Variants in OXSR1 observed in about 807,000 individuals in gnomAD.
OXSR1 encodes the protein serine/threonine-protein kinase OSR1.
OXSR1 carries 24 observed loss-of-function variants against 79.8 expected under a neutral mutation model. That is an observed-to-expected ratio of 0.30 (90% CI 0.22 to 0.42). The LOEUF (loss-of-function observed/expected upper bound fraction) is 0.42, where lower values mean the gene tolerates loss of function less well. OXSR1 is among the 10% of genes least tolerant of loss of function. The pLI is 1.00. For synonymous variants in OXSR1, 226 were observed against 209.2 expected (o/e 1.08, Z -0.69); for missense variants, 430 against 618.4 (o/e 0.70, Z 3.23).
chr3:38,199,772 G>T (rs1464305020), intron 4 of OXSR1, among the ~76,000 whole-genome samples: 1 of 152,174 alleles, frequency 6.6e-6, no homozygotes, highest in Non-Finnish European at 1.5e-5. Context: ...CTATGGGAGT[G>T]GAGTGGATTT....
intron 2 of OXSR1, among the ~76,000 whole-genome samples, chr3:38,184,928 T>C (rs1443540356): frequency 5.7e-5 from 5 of 87,094 alleles, no homozygotes; most frequent in South Asian, 3.9e-4. Context: ...TTTTTTTTTT[T>C]TTTTTTTTTT....
chr3:38,169,447 A>G (rs986399432), intron 1 of OXSR1, among the ~76,000 whole-genome samples: 2 of 152,170 alleles, frequency 1.3e-5, no homozygotes, highest in African/African-American at 2.4e-5. Context: ...CTGGGGTTAT[A>G]GGTGCCTGCC....
At chr3:38,182,358 C>T (rs1701803119) in intron 1 of OXSR1, among the ~76,000 whole-genome samples, 1 of 152,192 alleles carries the variant, frequency 6.6e-6, no homozygotes, top group Non-Finnish European at 1.5e-5. Flanking sequence ...TGTGGAGACC[C>T]TGCTGATGCT....
intron 1 of OXSR1, among the ~76,000 whole-genome samples, chr3:38,166,814 A>AAT (rs1329413742): frequency 6.7e-6 from 1 of 149,748 alleles, no homozygotes; most frequent in African/African-American, 2.4e-5. Flanking sequence ...AAAAAAAAAA[A>AAT]TTTGAAGAGG....
chr3:38,213,953 A>G (rs180676692), intron 4 of OXSR1, among the ~76,000 whole-genome samples: 1 of 152,172 alleles, frequency 6.6e-6, no homozygotes, highest in East Asian at 1.9e-4. Context: ...GTCAACATGT[A>G]TGTTCATTAG....
chr3:38,247,511 G>A (rs1317865612), intron 13 of OXSR1, among the ~76,000 whole-genome samples, 157 bp from the exon 14 acceptor site: 1 of 152,174 alleles, frequency 6.6e-6, no homozygotes, highest in Non-Finnish European at 1.5e-5. Context: ...TGGAGTGCAT[G>A]TCCTCCTCCA....
At position 38,193,286 on chromosome 3, in the gene OXSR1, A is replaced by G. The variant is rs527884496; in HGVS notation, c.292+2447A>G. 57 of 1,289,756 alleles carry G rather than the reference A, an allele frequency of 4.4e-5. No homozygotes were observed. In the South Asian group the frequency reaches 6.9e-4, roughly 16 times the overall value. The allele number at this position is 1,289,756 out of a possible 1,614,324, so 79.9% of individuals were successfully genotyped here. ...TTTTTGTTTCAATCCCATTAGTGAC[A>G]CACTGGAGAAACTGGATTGCTTTGT... On this transcript the variant is annotated intron_variant, in intron 3 of 17. Coordinates refer to ENST00000311806, the MANE Select transcript of OXSR1 (RefSeq NM_005109.3).
intron 2 of OXSR1, among the ~76,000 whole-genome samples, chr3:38,186,917 A>G (rs1701896383): frequency 6.6e-6 from 1 of 152,214 alleles, no homozygotes; most frequent in Non-Finnish European, 1.5e-5. Context: ...ACCATTTTAC[A>G]TTCCCACCAG....
chr3:38,181,037 T>A (rs1176223849), intron 1 of OXSR1, among the ~76,000 whole-genome samples: 1 of 152,146 alleles, frequency 6.6e-6, no homozygotes, highest in East Asian at 1.9e-4. Context: ...AGATGTACAT[T>A]TTTGGGAGGC....
In OXSR1 at chr3:38,230,361, C is replaced by T. The variant is rs771134709; in HGVS notation, c.886-4C>T. 2 of 1,577,526 alleles carry T rather than the reference C, an allele frequency of 1.3e-6. No homozygotes were observed. The highest frequency in any genetic ancestry group is 2.2e-5 in the South Asian group (2 of 88,902). On this transcript the variant is annotated splice_polypyrimidine_tract_variant and splice_region_variant and intron_variant, in intron 9 of 17. Transcript: ENST00000311806. Reference sequence around the variant, plus strand: ...AGAACAAAATACTTACTTTTCCTCTCCAGAATAAAGAATTTCTTCAAGAAA... The same window carrying T: ...AGAACAAAATACTTACTTTTCCTCTTCAGAATAAAGAATTTCTTCAAGAAA...
intron 6 of OXSR1, 65 bp from the exon 7 acceptor site, chr3:38,223,747 C>A: frequency 1.7e-6 from 2 of 1,179,442 alleles, no homozygotes; most frequent in Non-Finnish European, 1.2e-6. Context: ...TCCACCCTGG[C>A]CAGAAGCTAA....
At chr3:38,170,335 C>T (rs1002029383) in intron 1 of OXSR1, among the ~76,000 whole-genome samples, 3 of 152,198 alleles carry the variant, frequency 2.0e-5, no homozygotes, top group Middle Eastern at 3.4e-3. Flanking sequence ...TGTGAGCCCC[C>T]GCGCCTGGCC....
chr3:38,231,975 T>C (rs145972835), intron 10 of OXSR1, among the ~76,000 whole-genome samples: 137 of 152,194 alleles, frequency 9.0e-4, no homozygotes, highest in African/African-American at 3.2e-3. Context: ...GGTGTGGTAG[T>C]ACATGTCTGT....
At position 38,200,364 on chromosome 3, in the gene OXSR1, A is replaced by G. The variant is rs150814830; in HGVS notation, c.434+1501A>G. ...TAGCAGATTAAAGGAAAGCTCAGGA[A>G]ACTTTTTTTTAAACCTTTCCTATGA... On this transcript the variant is annotated intron_variant, in intron 4 of 17. Coordinates refer to ENST00000311806, the MANE Select transcript of OXSR1 (RefSeq NM_005109.3). Among the ~76,000 whole-genome samples, 301 of 152,318 alleles carry G rather than the reference A, an allele frequency of 2.0e-3. 1 individual carries two copies. The highest frequency in any genetic ancestry group is 7.1e-3 in the African/African-American group (294 of 41,558).
intron 3 of OXSR1, among the ~76,000 whole-genome samples, chr3:38,192,199 G>T (rs975846318): frequency 6.6e-6 from 1 of 152,088 alleles, no homozygotes; most frequent in Non-Finnish European, 1.5e-5. Flanking sequence ...TGATATGCAG[G>T]TTGTCCAAAA....
chr3:38,197,448 A>G (rs921187457), intron 3 of OXSR1, among the ~76,000 whole-genome samples: 3 of 152,164 alleles, frequency 2.0e-5, no homozygotes, highest in African/African-American at 7.2e-5. Context: ...TGGTGTGTGT[A>G]GTTCTGAGAC....
Position 38,165,582 on chromosome 3 carries a change from GC to G in OXSR1, c.-292del, listed in dbSNP as rs764022895. On this transcript the variant is annotated 5_prime_UTR_variant, in exon 1 of 18. Coordinates refer to ENST00000311806, the MANE Select transcript of OXSR1 (RefSeq NM_005109.3). ...GTGGAGGGCGGGACAGAGGGGCTGG[GC>G]CCAGGCAAAGCTTCTGTCGCTGCTG... The G allele has an allele frequency of 1.8e-4, 76 of 418,366 alleles. No homozygotes were observed. The highest frequency in any genetic ancestry group is 2.9e-4 in the Non-Finnish European group (67 of 234,076). The allele number at this position is 418,366 out of a possible 1,614,324, so 25.9% of individuals were successfully genotyped here. A position where few individuals can be genotyped will look rare whatever the true frequency, so the allele number is the denominator to read the frequency against.
intron 4 of OXSR1, among the ~76,000 whole-genome samples, chr3:38,206,498 TAA>T (rs1175334961): frequency 1.2e-4 from 17 of 136,244 alleles, no homozygotes; most frequent in Non-Finnish European, 9.6e-5. Context: ...ATTGCATTCT[TAA>T]AAAAAAAAAA....
intron 2 of OXSR1, among the ~76,000 whole-genome samples, chr3:38,188,808 A>G (rs1023350671): frequency 7.2e-5 from 11 of 152,010 alleles, no homozygotes; most frequent in Non-Finnish European, 1.3e-4. Context: ...TATGACTCCT[A>G]TTTTTTAATG....
Sources: gnomAD v4.1 joint callset for allele counts (sites outside exome capture counted in the v4.1 genomes callset) on GRCh38, gnomAD v4.1.1 for gene constraint, MANE v1.5 for transcripts, NCBI Gene and HGNC (gene_info 2026-07-23, HGNC 2026-07-21) for gene names.